Variants in NKD2 observed in about 807,000 individuals in gnomAD.
NKD2 encodes the protein protein naked cuticle homolog 2.
Under a neutral mutation model 34.8 loss-of-function variants are expected in NKD2, and 43 were observed. The observed-to-expected ratio is 1.24, with a 90% CI of 0.97 to 1.60. The LOEUF is 1.60. Among genes scored for constraint, NKD2 ranks in the 40% most tolerant of loss-of-function variants. The pLI is 0.00. For synonymous variants in NKD2, 278 were observed against 265.1 expected (o/e 1.05, Z -0.47); for missense variants, 675 against 627.1 (o/e 1.08, Z -0.82).
At position 1,017,367 on chromosome 5, in the gene NKD2, C is replaced by T. The variant is rs79880884; in HGVS notation, c.141+7807C>T. ...CCAGGTCCGTGTGCCCTGCACCCTT[C>T]AGGGCAGCCACTCATGTCTGAGACC... On this transcript the variant is annotated intron_variant, in intron 3 of 9. Coordinates refer to ENST00000296849, the MANE Select transcript of NKD2 (RefSeq NM_033120.4). 1.1e-3 allele frequency among the ~76,000 whole-genome samples: 166 copies of T among 152,372 alleles called. 2 individuals are homozygous for T. In the East Asian group the frequency reaches 0.031, roughly 28 times the overall value.
In NKD2 at chr5:1,033,373, G is replaced by A; in HGVS notation, c.204G>A (p.Val68=). The stretch of plus-strand genomic sequence containing the variant: ...CTTCGCCTCCTCTTGTCCCCCTAGT[G>A]GCACTCCCCGCTGAGAAAGCTGAGG... ...PFREDQCPLQ[V]ALPAEKAEGR... The change falls in exon 5 of 10, where the codon GTG becomes GTA. Residue 68 remains valine (V), a splice_region_variant and synonymous_variant. Coordinates refer to ENST00000296849, the MANE Select transcript of NKD2 (RefSeq NM_033120.4). The A allele has an allele frequency of 6.3e-7, 1 of 1,597,570 alleles. No individual in the cohort carries two copies. The highest frequency in any genetic ancestry group is 8.5e-7 in the Non-Finnish European group (1 of 1,172,802).
chr5:1,037,026 T>C (rs944535837), intron 9 of NKD2: 22 of 353,332 alleles, frequency 6.2e-5, no homozygotes, highest in African/African-American at 5.0e-4. Context: ...GCAATGTGGA[T>C]GGCAGGCAGG....
At chr5:1,031,693 G>A (rs761770130) in intron 3 of NKD2, among the ~76,000 whole-genome samples, 8 of 152,178 alleles carry the variant, frequency 5.3e-5, no homozygotes, top group South Asian at 2.1e-4. Flanking sequence ...AACTGGTCTC[G>A]GCCGGCAGCC....
At position 1,030,693 on chromosome 5, in the gene NKD2, C is replaced by T. The variant is rs1756612103; in HGVS notation, c.142-1459C>T. The stretch of plus-strand genomic sequence containing the variant: ...CTCGCCGGGCTGGGCTCATGGGGCC[C>T]CTCAGGCTGCAGCAGCCAGTCCCGG... On this transcript the variant is annotated intron_variant, in intron 3 of 9. Coordinates refer to ENST00000296849, the MANE Select transcript of NKD2 (RefSeq NM_033120.4). Among the ~76,000 whole-genome samples the T allele has an allele frequency of 2.6e-5, 4 of 152,322 alleles. No homozygotes were observed. The South Asian group carries it at 8.3e-4, about 32-fold the overall frequency.
intron 3 of NKD2, among the ~76,000 whole-genome samples, chr5:1,016,656 G>A (rs1755963680): frequency 6.6e-6 from 1 of 152,222 alleles, no homozygotes; most frequent in South Asian, 2.1e-4. Flanking sequence ...GGTTCTCCGT[G>A]AGGCACTCAC....
chr5:1,033,501 T>C lies in NKD2; in HGVS notation c.330+2T>C, dbSNP rs867022636. On this transcript the variant is annotated splice_donor_variant, in intron 5 of 9. Transcript: ENST00000296849. LOFTEE classifies it high-confidence loss of function. Reference sequence around the variant, plus strand: ...GGCGGGCAGCGCCTCAACATTGACGTGGGTCTCTCTCCGGCCTCACTTGCG... The same window carrying C: ...GGCGGGCAGCGCCTCAACATTGACGCGGGTCTCTCTCCGGCCTCACTTGCG... The C allele has an allele frequency of 6.5e-7, 1 of 1,547,348 alleles. No individual in the cohort carries two copies. The highest frequency in any genetic ancestry group is 1.2e-5 in the South Asian group (1 of 83,842).
At chr5:1,036,236 C>T (rs1335491889) in intron 8 of NKD2, 21 bp from the exon 9 acceptor site, 5 of 1,573,660 alleles carry the variant, frequency 3.2e-6, no homozygotes, top group Middle Eastern at 3.4e-4. Flanking sequence ...GGGGTCAGGC[C>T]CTTCTCTGTG....
chr5:1,017,960 G>A (rs1037213286), intron 3 of NKD2, among the ~76,000 whole-genome samples: 1 of 152,082 alleles, frequency 6.6e-6, no homozygotes, highest in Non-Finnish European at 1.5e-5. Flanking sequence ...AGGGGCGGGG[G>A]CTGCCACTTG....
At chr5:1,010,587 T>C (rs1225511777) in intron 3 of NKD2, among the ~76,000 whole-genome samples, 3 of 152,162 alleles carry the variant, frequency 2.0e-5, no homozygotes, top group African/African-American at 7.2e-5. Flanking sequence ...ACGCCTGTGA[T>C]GGTGGGAAGC....
chr5:1,028,726 CG>C (rs1179152490), intron 3 of NKD2, among the ~76,000 whole-genome samples: 7 of 147,888 alleles, frequency 4.7e-5, no homozygotes, highest in African/African-American at 1.8e-4. Context: ...GGAAGGGGGG[CG>C]GAACAGGTTG....
chr5:1,023,054 A>G (rs370260823), intron 3 of NKD2, among the ~76,000 whole-genome samples: 50 of 3,592 alleles, frequency 0.014, no homozygotes, highest in Non-Finnish European at 0.049. Flanking sequence ...GTCCCAGCCC[A>G]TTGTCCCTGC....
chr5:1,025,145 T>A (rs376493887), intron 3 of NKD2, among the ~76,000 whole-genome samples: 4 of 6,092 alleles, frequency 6.6e-4, no homozygotes, highest in Non-Finnish European at 0.025. Context: ...GTCCCAGCCC[T>A]TTGTCCCTGC....
chr5:1,033,365 C>T lies in NKD2; in HGVS notation c.203-7C>T. On this transcript the variant is annotated splice_region_variant and splice_polypyrimidine_tract_variant and intron_variant, in intron 4 of 9. Transcript: ENST00000296849. ...GCCAGCCCCTTCGCCTCCTCTTGTCCCCCTAGTGGCACTCCCCGCTGAGAA... is the reference window on the plus strand; with the variant it reads ...GCCAGCCCCTTCGCCTCCTCTTGTCTCCCTAGTGGCACTCCCCGCTGAGAA... The T allele has an allele frequency of 2.5e-6, 4 of 1,594,336 alleles. No homozygotes were observed. Among genetic ancestry groups the T allele is most frequent in the Non-Finnish European group, 3.4e-6 (4 of 1,170,940 alleles).
rs977024172 is a variant in NKD2 at position 1,009,792 on chromosome 5, C to A, written c.141+232C>A. On this transcript the variant is annotated intron_variant, in intron 3 of 9. Transcript: ENST00000296849. The surrounding 1 kb of genome is among the most constrained non-coding windows in gnomAD (Gnocchi z 6.9). ...CATGCTGAGTGGCGGGTAGGGGAATCGGAATTCCTTGTCCTAGGCTGGGAG... is the reference window on the plus strand; with the variant it reads ...CATGCTGAGTGGCGGGTAGGGGAATAGGAATTCCTTGTCCTAGGCTGGGAG... 6.6e-6 allele frequency among the ~76,000 whole-genome samples: 1 copy of A among 152,014 alleles called. No individual in the cohort carries two copies. The highest frequency in any genetic ancestry group is 1.9e-4 in the East Asian group (1 of 5,154).
chr5:1,027,223 G>C (rs571112426), intron 3 of NKD2, among the ~76,000 whole-genome samples: 44 of 152,376 alleles, frequency 2.9e-4, no homozygotes, highest in Non-Finnish European at 5.7e-4. Context: ...CCCCACCACA[G>C]TGCAAGGTGG....
intron 7 of NKD2, 120 bp downstream of exon 7, chr5:1,035,023 GGTGA>G (rs1170840025): frequency 4.3e-6 from 4 of 928,994 alleles, no homozygotes; most frequent in South Asian, 1.7e-5. Flanking sequence ...TGAATGGATG[GGTGA>G]GTGAGTGAAT....
rs1170262186 is a variant in NKD2, at chr5:1,009,227, G to A, written c.61+13G>A. ...GAGAGCCCGGAAGGTGAGCGGGCGA[G>A]CCGACGGGCGGGGCGGGGGGCGGCG... is the stretch of plus-strand genomic sequence containing the variant. On this transcript the variant is annotated intron_variant, in intron 2 of 9. Coordinates refer to ENST00000296849, the MANE Select transcript of NKD2 (RefSeq NM_033120.4). This position sits in a 1 kb window ranked among gnomAD's most constrained non-coding sequence, Gnocchi z 6.9. 8.0e-6 allele frequency: 4 copies of A among 501,758 alleles called. No homozygotes were observed. The highest frequency in any genetic ancestry group is 1.4e-5 in the Non-Finnish European group (4 of 288,496). 31.1% of individuals were successfully genotyped at this position (501,758 alleles called of 1,614,324 possible). A position where few individuals can be genotyped will look rare whatever the true frequency, so the allele number is the denominator to read the frequency against.
At chr5:1,018,111 G>A (rs962581083) in intron 3 of NKD2, among the ~76,000 whole-genome samples, 35 of 152,150 alleles carry the variant, frequency 2.3e-4, no homozygotes, top group Admixed American at 2.0e-3. Flanking sequence ...CAGGGGCTGC[G>A]AGAGACACAG....
Position 1,034,865 on chromosome 5 carries a change from C to G in NKD2, c.536C>G (p.Pro179Arg). The part of the protein sequence containing the change: ...LRVKLTVSPE[P>R]SSKRKEGPPA... ...GTGAAGCTAACCGTCAGCCCTGAGCCCTCCAGCAAGAGGAAGGAGGGTCCT... is the reference window on the plus strand; with the variant it reads ...GTGAAGCTAACCGTCAGCCCTGAGCGCTCCAGCAAGAGGAAGGAGGGTCCT... The change falls in exon 7 of 10, where the codon CCC (proline) becomes CGC (arginine). Residue 179 changes from proline (P) to arginine (R), a missense_variant. Transcript: ENST00000296849. 6.2e-7 allele frequency: 1 copy of G among 1,612,526 alleles called. No homozygotes were observed. Among genetic ancestry groups the G allele is most frequent in the South Asian group, 1.1e-5 (1 of 91,016 alleles).
Sources: allele counts gnomAD v4.1 joint callset (sites outside exome capture counted in the v4.1 genomes callset), GRCh38; gene constraint gnomAD v4.1.1; non-coding constraint Gnocchi (gnomAD v3.1); transcripts MANE v1.5; gene names NCBI Gene and HGNC (gene_info 2026-07-23, HGNC 2026-07-21).